C4orf50: variants seen among roughly 807,000 people sequenced by gnomAD.
C4orf50 encodes uncharacterized protein C4orf50.
Under a neutral mutation model 77.2 loss-of-function variants are expected in C4orf50, and 80 were observed. The observed-to-expected ratio is 1.04, with a 90% CI of 0.87 to 1.25. The LOEUF is 1.25. Among genes scored for constraint, C4orf50 ranks in the 50% most tolerant of loss-of-function variants. The probability of loss-of-function intolerance (pLI) is 0.00; values close to 1 mark genes in which losing one functional copy is unlikely to be tolerated. For missense variants in C4orf50, 1,257 were observed against 1,152.9 expected (o/e 1.09, Z -1.31); for synonymous variants, 532 against 465.3 (o/e 1.14, Z -1.84).
rs191631776 is a variant in C4orf50 at position 6,003,425 on chromosome 4, G to A, written c.963+4571C>T. 1.9e-3 allele frequency among the ~76,000 whole-genome samples: 282 copies of A among 151,540 alleles called. 2 individuals carry two copies. The highest frequency in any genetic ancestry group is 6.5e-3 in the African/African-American group (264 of 40,868). On this transcript the variant is annotated intron_variant, in intron 25 of 33. Coordinates refer to ENST00000531445, the Ensembl canonical transcript of C4orf50. ...CCAGGAAGAGATGAGGAGGAGGGTGGCAATGGTGATGGTGATAGTGATGAG... is the reference window on the plus strand; with the variant it reads ...CCAGGAAGAGATGAGGAGGAGGGTGACAATGGTGATGGTGATAGTGATGAG...
At chr4:5,991,107 C>T (rs1204591024) in intron 27 of C4orf50, among the ~76,000 whole-genome samples, 1 of 152,178 alleles carries the variant, frequency 6.6e-6, no homozygotes, top group African/African-American at 2.4e-5. Flanking sequence ...CCTGACCGCT[C>T]TCCCTCACTC....
exon 28 of C4orf50, chr4:5,990,352 C>A: frequency 1.7e-6 from 1 of 579,102 alleles, no homozygotes; most frequent in Non-Finnish European, 2.6e-6. Context: ...CAAAGTCCCC[C>A]TTGCCTTCCC....
At chr4:5,983,279 C>T (rs1720696447) in intron 28 of C4orf50, among the ~76,000 whole-genome samples, 1 of 152,240 alleles carries the variant, frequency 6.6e-6, no homozygotes, top group Non-Finnish European at 1.5e-5. Context: ...CTTCCTACCA[C>T]ATCTAGAAAA....
intron 7 of C4orf50, among the ~76,000 whole-genome samples, chr4:5,942,762 C>A (rs1237364393): frequency 6.6e-6 from 1 of 152,200 alleles, no homozygotes; most frequent in African/African-American, 2.4e-5. Flanking sequence ...TCTTAACCAA[C>A]ATGCTATCCT....
At chr4:5,961,638 G>T (rs906789962) in intron 33 of C4orf50, among the ~76,000 whole-genome samples, 3 of 152,174 alleles carry the variant, frequency 2.0e-5, no homozygotes, top group South Asian at 4.1e-4. Flanking sequence ...CAGGCCATAC[G>T]GCTCTCAAGC....
intron 29 of C4orf50, among the ~76,000 whole-genome samples, chr4:5,979,599 G>C (rs1296902436): frequency 2.6e-5 from 4 of 152,230 alleles, no homozygotes; most frequent in Non-Finnish European, 5.9e-5. Context: ...ACAGTTGTAA[G>C]AAATAATACA....
At chr4:5,933,166 C>T (rs982001853) in intron 7 of C4orf50, among the ~76,000 whole-genome samples, 1 of 152,144 alleles carries the variant, frequency 6.6e-6, no homozygotes, top group Non-Finnish European at 1.5e-5. Flanking sequence ...ATCTTAGCTG[C>T]CCTCGTCTCT....
rs1226912195 is a variant in C4orf50, at chr4:5,992,978, T to C, written c.1094-48A>G. 1 of 397,890 alleles carries C rather than the reference T, an allele frequency of 2.5e-6. No homozygotes were observed. The highest frequency in any genetic ancestry group is 2.1e-5 in the African/African-American group (1 of 48,492). The allele number at this position is 397,890 out of a possible 1,614,324, so 24.6% of individuals were successfully genotyped here. A position where few individuals can be genotyped will look rare whatever the true frequency, so the allele number is the denominator to read the frequency against. ...GGGTTACAAAGATGCTCCCAGGGGC[T>C]CTGCCATGATCGCCTCTAGGGACCA... On this transcript the variant is annotated intron_variant, in intron 26 of 33. Transcript: ENST00000531445. This position sits in a 1 kb window ranked among gnomAD's most constrained non-coding sequence, Gnocchi z 5.0.
intron 28 of C4orf50, among the ~76,000 whole-genome samples, chr4:5,985,034 C>T (rs937372758): frequency 3.3e-5 from 5 of 151,984 alleles, no homozygotes; most frequent in African/African-American, 1.2e-4. Flanking sequence ...ACAATTATGA[C>T]TGATTTCTGG....
chr4:5,986,791 C>CGG lies in C4orf50; in HGVS notation c.3699+1555_3699+1556insCC, dbSNP rs1283954705. Reference sequence around the variant, plus strand: ...TGACCTCATGATCCGCCCTCCTTGGCCTCTCAAAGTGCTGGGATTACAGGC... The same window carrying CGG: ...TGACCTCATGATCCGCCCTCCTTGGCGGCTCTCAAAGTGCTGGGATTACAGGC... On this transcript the variant is annotated intron_variant, in intron 28 of 33. Coordinates refer to ENST00000531445, the Ensembl canonical transcript of C4orf50. 3.3e-5 allele frequency among the ~76,000 whole-genome samples: 5 copies of CGG among 152,178 alleles called. No homozygotes were observed. In the South Asian group the frequency reaches 1.0e-3, roughly 32 times the overall value.
chr4:5,902,276 C>A (rs1316904499), intron 7 of C4orf50: 4 of 152,188 alleles, frequency 2.6e-5, no homozygotes, highest in Non-Finnish European at 4.4e-5. Flanking sequence ...GTGCAGAGCA[C>A]CTTCCATTTC....
intron 29 of C4orf50, 38 bp from the exon 8 acceptor site, chr4:5,975,993 T>A (rs761592877): frequency 1.3e-6 from 2 of 1,559,096 alleles, no homozygotes; most frequent in Admixed American, 3.3e-5. Flanking sequence ...CACTGCACTG[T>A]CACTTACCAC....
intron 31 of C4orf50, 24 bp from the exon 10 acceptor site, chr4:5,967,486 G>GT (rs773837632): frequency 6.2e-7 from 1 of 1,610,990 alleles, no homozygotes; most frequent in Non-Finnish European, 8.5e-7. Flanking sequence ...CATCTTGGCG[G>GT]TTATTCTGCA....
At chr4:5,955,699 G>A (rs899723408), downstream of C4orf50, among the ~76,000 whole-genome samples, 1 of 152,112 alleles carries the variant, frequency 6.6e-6, no homozygotes, top group African/African-American at 2.4e-5. This position sits in a 1 kb window ranked among gnomAD's most constrained non-coding sequence, Gnocchi z 5.1. Context: ...CCAGATCCCA[G>A]CCTCCCAGCT....
chr4:5,967,859 GTGCACCACC>G (rs1481962450), intron 31 of C4orf50, among the ~76,000 whole-genome samples: 1 of 152,218 alleles, frequency 6.6e-6, no homozygotes, highest in Admixed American at 6.5e-5. Context: ...TTGAATCTGA[GTGCACCACC>G]TGCACCACCG....
At chr4:5,937,666 A>G (rs1718087371) in intron 7 of C4orf50, among the ~76,000 whole-genome samples, 1 of 152,248 alleles carries the variant, frequency 6.6e-6, no homozygotes, top group Admixed American at 6.5e-5. Context: ...TTTAAAATAC[A>G]GCTATATGCT....
At chr4:5,921,565 C>T (rs1034715477) in intron 7 of C4orf50, among the ~76,000 whole-genome samples, 3 of 151,930 alleles carry the variant, frequency 2.0e-5, no homozygotes, top group African/African-American at 4.8e-5. Flanking sequence ...AGGAGGGCTT[C>T]GATGTGGGGA....
At position 6,018,514 on chromosome 4, in the gene C4orf50, T is replaced by C. The variant is rs753791907; in HGVS notation, c.-83A>G. The stretch of plus-strand genomic sequence containing the variant: ...TGACTTCCCGGAGATTTCAAGGTGG[T>C]GTTTGTGACTTCAGATTGTTCAGGA... On this transcript the variant is annotated 5_prime_UTR_variant, in exon 23 of 34. Coordinates refer to ENST00000531445, the Ensembl canonical transcript of C4orf50. This position sits in a 1 kb window ranked among gnomAD's most constrained non-coding sequence, Gnocchi z 5.1. 9 of 398,076 alleles carry C rather than the reference T, an allele frequency of 2.3e-5. No homozygotes were observed. Among genetic ancestry groups the C allele is most frequent in the Non-Finnish European group, 3.5e-5 (8 of 226,040 alleles). The allele number at this position is 398,076 out of a possible 1,614,324, so 24.7% of individuals were successfully genotyped here. A position where few individuals can be genotyped will look rare whatever the true frequency, so the allele number is the denominator to read the frequency against.
Position 6,000,872 on chromosome 4 carries a change from C to T in C4orf50, c.964-6396G>A, listed in dbSNP as rs984636807. ...CATATTACCGTCTGAATTTTCATGT[C>T]CCCCCAAAACTCATCCGTTAAAACC... is the stretch of plus-strand genomic sequence containing the variant. On this transcript the variant is annotated intron_variant, in intron 25 of 33. Coordinates refer to ENST00000531445, the Ensembl canonical transcript of C4orf50. The surrounding 1 kb of genome is among the most constrained non-coding windows in gnomAD (Gnocchi z 6.0). Among the ~76,000 whole-genome samples the T allele has an allele frequency of 6.6e-6, 1 of 152,088 alleles. No homozygotes were observed. Among genetic ancestry groups the T allele is most frequent in the Non-Finnish European group, 1.5e-5 (1 of 68,010 alleles).
Sources: gnomAD v4.1 joint callset for allele counts (sites outside exome capture counted in the v4.1 genomes callset) on GRCh38, gnomAD v4.1.1 for gene constraint, Gnocchi (gnomAD v3.1) non-coding constraint, MANE v1.5 for transcripts, NCBI Gene and HGNC (gene_info 2026-07-23, HGNC 2026-07-21) for gene names.